The following AKR1D1 variants were observed in gnomAD, a reference collection of about 807,000 sequenced individuals.
The protein encoded by AKR1D1 is aldo-keto reductase family 1 member D1.
A neutral mutation model predicts 42.6 loss-of-function variants in AKR1D1; 32 were observed. The observed-to-expected ratio is 0.75, with a 90% CI of 0.57 to 1.01. AKR1D1 has a LOEUF of 1.01. AKR1D1 is among the 50% of genes least tolerant of loss of function. AKR1D1 has a pLI of 0.00. For missense variants in AKR1D1, 364 were observed against 402.2 expected (o/e 0.91, Z 0.81); for synonymous variants, 123 against 135.5 (o/e 0.91, Z 0.64).
At chr7:138,105,877 T>A (rs944841422) in intron 5 of AKR1D1, among the ~76,000 whole-genome samples, 2 of 151,298 alleles carry the variant, frequency 1.3e-5, no homozygotes, top group Admixed American at 1.3e-4. Context: ...AGAGTGTGAC[T>A]TCGTCTAACA....
At position 138,081,574 on chromosome 7, in the gene AKR1D1, G is replaced by A. The variant is rs993027039; in HGVS notation, c.93+4963G>A. Among the ~76,000 whole-genome samples the A allele has an allele frequency of 4.0e-5, 5 of 123,506 alleles. No individual in the cohort carries two copies. In the Admixed American group the frequency reaches 5.3e-4, roughly 13 times the overall value. The allele number at this position is 123,506 out of a possible 152,430, so 81.0% of individuals were successfully genotyped here. On this transcript the variant is annotated intron_variant, in intron 1 of 8. Transcript: ENST00000242375. ...GACTTTCGCTCTTGTTGCCCCGGCT[G>A]GAGTGCAATGGCACGATCGATCTCG...
At chr7:138,101,973 G>A (rs1160663760) in intron 4 of AKR1D1, among the ~76,000 whole-genome samples, 1 of 152,132 alleles carries the variant, frequency 6.6e-6, no homozygotes, top group African/African-American at 2.4e-5. Flanking sequence ...CACTTTGGGA[G>A]GCCATGGCAG....
intron 4 of AKR1D1, among the ~76,000 whole-genome samples, chr7:138,101,187 C>T (rs62490672): frequency 0.086 from 930 of 10,790 alleles, 34 homozygotes; most frequent in South Asian, 0.36. Flanking sequence ...CTCCCTCCCT[C>T]CCTCCCTTCC....
chr7:138,076,619 T>A lies in AKR1D1; in HGVS notation c.93+8T>A. 2 of 1,601,486 alleles carry A rather than the reference T, an allele frequency of 1.2e-6. No individual in the cohort carries two copies. The highest frequency in any genetic ancestry group is 2.2e-5 in the South Asian group (2 of 90,810). ...TACTCAGAACCTAAATCGGTAAGCT[T>A]ATTTTTTCTCTCTTTGCTTGCTTGT... is the stretch of plus-strand genomic sequence containing the variant. On this transcript the variant is annotated splice_region_variant and intron_variant, in intron 1 of 8. Coordinates refer to ENST00000242375, the MANE Select transcript of AKR1D1 (RefSeq NM_005989.4).
intron 5 of AKR1D1, among the ~76,000 whole-genome samples, chr7:138,105,856 G>C (rs1355638258): frequency 6.6e-6 from 1 of 152,052 alleles, no homozygotes; most frequent in Non-Finnish European, 1.5e-5. Flanking sequence ...CTGCACTCCA[G>C]CCTGGGCGAC....
At chr7:138,104,054 T>G (rs1311372015) in intron 4 of AKR1D1, among the ~76,000 whole-genome samples, 3 of 151,994 alleles carry the variant, frequency 2.0e-5, no homozygotes, top group African/African-American at 7.2e-5. Context: ...AGGGAGGATC[T>G]CTTGAGCCCA....
chr7:138,076,615 A>G lies in AKR1D1; in HGVS notation c.93+4A>G, dbSNP rs1185721584. On this transcript the variant is annotated splice_donor_region_variant and intron_variant, in intron 1 of 8. Coordinates refer to ENST00000242375, the MANE Select transcript of AKR1D1 (RefSeq NM_005989.4). ...TACCTACTCAGAACCTAAATCGGTA[A>G]GCTTATTTTTTCTCTCTTTGCTTGC... is the stretch of plus-strand genomic sequence containing the variant. 2 of 1,607,156 alleles carry G rather than the reference A, an allele frequency of 1.2e-6. No individual in the cohort carries two copies. The highest frequency in any genetic ancestry group is 1.3e-5 in the African/African-American group (1 of 74,734).
At chr7:138,116,595 T>C in intron 8 of AKR1D1, 25 bp from the exon 9 acceptor site, 1 of 1,614,228 alleles carries the variant, frequency 6.2e-7, no homozygotes, top group Non-Finnish European at 8.5e-7. Context: ...GTGAACTTTT[T>C]TCTGTGGGGG....
intron 1 of AKR1D1, among the ~76,000 whole-genome samples, chr7:138,079,468 T>C (rs1803008273): frequency 6.6e-6 from 1 of 152,092 alleles, no homozygotes; most frequent in African/African-American, 2.4e-5. Flanking sequence ...CAACTAACAC[T>C]CGGGGGACTA....
chr7:138,105,807 C>A (rs749751785), intron 5 of AKR1D1, among the ~76,000 whole-genome samples: 2 of 152,174 alleles, frequency 1.3e-5, no homozygotes, highest in African/African-American at 4.8e-5. Flanking sequence ...ATTGCTTAAA[C>A]CCGGGAGGTG....
chr7:138,094,843 T>A (rs1015479082), intron 3 of AKR1D1, among the ~76,000 whole-genome samples: 1 of 150,810 alleles, frequency 6.6e-6, no homozygotes, highest in Non-Finnish European at 1.5e-5. Flanking sequence ...GAATCTTAAG[T>A]TTTTTTAAAC....
At chr7:138,096,969 T>C (rs145430678) in intron 3 of AKR1D1, among the ~76,000 whole-genome samples, 1 of 152,318 alleles carries the variant, frequency 6.6e-6, no homozygotes, top group East Asian at 1.9e-4. Flanking sequence ...CCTCCCTCAA[T>C]ATCCACTTGA....
intron 1 of AKR1D1, among the ~76,000 whole-genome samples, chr7:138,086,454 C>T (rs1803181865): frequency 6.6e-6 from 1 of 152,134 alleles, no homozygotes; most frequent in South Asian, 2.1e-4. Flanking sequence ...TGTGTGTCTC[C>T]TTTTCCCAGC....
At chr7:138,088,023 T>C (rs754337957) in intron 1 of AKR1D1, among the ~76,000 whole-genome samples, 2 of 151,890 alleles carry the variant, frequency 1.3e-5, no homozygotes, top group Non-Finnish European at 2.9e-5. Context: ...CCCAAGTAAC[T>C]GGGACCACAG....
intron 4 of AKR1D1, 37 bp from the exon 5 acceptor site, chr7:138,105,270 A>G: frequency 6.8e-6 from 11 of 1,613,932 alleles, no homozygotes; most frequent in Non-Finnish European, 9.3e-6. Context: ...GCTTCTTGTG[A>G]GGCTTGTTTG....
intron 5 of AKR1D1, among the ~76,000 whole-genome samples, chr7:138,106,173 G>T (rs1794421322): frequency 6.6e-6 from 1 of 152,050 alleles, no homozygotes; most frequent in Non-Finnish European, 1.5e-5. Context: ...AGTGCAAATT[G>T]GTTCAGCCTT....
At chr7:138,095,879 C>T (rs8180809) in intron 3 of AKR1D1, among the ~76,000 whole-genome samples, 89,783 of 151,650 alleles carry the variant, frequency 0.59, 26,660 homozygotes, top group Middle Eastern at 0.62. Context: ...GCTTGATTCC[C>T]TTCTCAGTCT....
intron 4 of AKR1D1, among the ~76,000 whole-genome samples, chr7:138,103,170 A>C (rs145287797): frequency 6.6e-6 from 1 of 152,322 alleles, no homozygotes; most frequent in East Asian, 1.9e-4. Context: ...AAAGACTCAC[A>C]CTGGAAATCA....
intron 8 of AKR1D1, among the ~76,000 whole-genome samples, 169 bp downstream of exon 8, chr7:138,113,941 G>T (rs191690091): frequency 7.6e-4 from 115 of 152,156 alleles, no homozygotes; most frequent in African/African-American, 2.7e-3. Context: ...TCCACTACAG[G>T]GCCTTCCACA....
Sources: allele counts gnomAD v4.1 joint callset (sites outside exome capture counted in the v4.1 genomes callset), GRCh38; gene constraint gnomAD v4.1.1; transcripts MANE v1.5; gene names NCBI Gene and HGNC (gene_info 2026-07-23, HGNC 2026-07-21).